The following CDH12 variants were observed in gnomAD, a reference collection of about 807,000 sequenced individuals.
CDH12 encodes the protein cadherin 12, also known as cadherin-12.
Under a neutral mutation model 74.1 loss-of-function variants are expected in CDH12, and 41 were observed. The ratio of observed to expected loss-of-function variants is 0.55; its 90% confidence interval spans 0.43 to 0.72. CDH12 has a LOEUF of 0.72. CDH12 is among the 30% of genes least tolerant of loss of function. The pLI is 0.00. For synonymous variants in CDH12, 399 were observed against 355.0 expected (o/e 1.12, Z -1.39); for missense variants, 945 against 977.2 (o/e 0.97, Z 0.44).
intron 4 of CDH12, among the ~76,000 whole-genome samples, chr5:22,182,577 T>C (rs1187989762): frequency 1.3e-5 from 2 of 152,182 alleles, no homozygotes; most frequent in Admixed American, 6.5e-5. Flanking sequence ...TTAGAAATTT[T>C]ACACAATAGG....
Position 22,023,521 on chromosome 5 carries a change from T to C in CDH12, c.232-48136A>G, listed in dbSNP as rs1323635786. 4.0e-5 allele frequency among the ~76,000 whole-genome samples: 6 copies of C among 151,808 alleles called. No homozygotes were observed. In the South Asian group the frequency reaches 6.2e-4, roughly 16 times the overall value. Reference sequence around the variant, plus strand: ...TATTATCTATATTTGTGTGTGTGTGTATATATATATAATTCTCTGTATTTG... The same window carrying C: ...TATTATCTATATTTGTGTGTGTGTGCATATATATATAATTCTCTGTATTTG... On this transcript the variant is annotated intron_variant, in intron 5 of 14. Transcript: ENST00000382254.
intron 4 of CDH12, among the ~76,000 whole-genome samples, chr5:22,147,421 A>G (rs1047330305): frequency 6.6e-6 from 1 of 152,124 alleles, no homozygotes; most frequent in Admixed American, 6.6e-5. Flanking sequence ...TTTTCTCTAT[A>G]AAGAACAATT....
intron 6 of CDH12, among the ~76,000 whole-genome samples, chr5:21,933,963 T>C (rs1056684527): frequency 6.6e-6 from 1 of 152,254 alleles, no homozygotes; most frequent in South Asian, 2.1e-4. Flanking sequence ...ATCTATGGAT[T>C]CTGGCCACAG....
At chr5:22,759,827 G>A (rs750964071) in intron 1 of CDH12, among the ~76,000 whole-genome samples, 5 of 152,138 alleles carry the variant, frequency 3.3e-5, no homozygotes, top group Admixed American at 6.5e-5. Flanking sequence ...TGGATAGTCC[G>A]AAATCTGCAG....
At chr5:21,966,216 T>C (rs1365765759) in intron 6 of CDH12, among the ~76,000 whole-genome samples, 1 of 151,724 alleles carries the variant, frequency 6.6e-6, no homozygotes, top group Non-Finnish European at 1.5e-5. Flanking sequence ...AAAACACTTT[T>C]TCCTCATAGG....
chr5:22,565,366 G>A (rs1030907555), intron 1 of CDH12, among the ~76,000 whole-genome samples: 1 of 152,130 alleles, frequency 6.6e-6, no homozygotes, highest in South Asian at 2.1e-4. Flanking sequence ...TCCACCAACA[G>A]GGTAATAAGG....
At chr5:22,428,278 T>C (rs192007352) in intron 2 of CDH12, among the ~76,000 whole-genome samples, 31 of 152,268 alleles carry the variant, frequency 2.0e-4, no homozygotes, top group Admixed American at 1.6e-3. Flanking sequence ...AGATATCATA[T>C]ATCCATTTTT....
At chr5:22,688,824 G>A (rs918346205) in intron 1 of CDH12, among the ~76,000 whole-genome samples, 3 of 152,078 alleles carry the variant, frequency 2.0e-5, no homozygotes, top group Non-Finnish European at 4.4e-5. Context: ...ATATATTTGA[G>A]GCTTTTGACA....
intron 1 of CDH12, among the ~76,000 whole-genome samples, chr5:22,671,203 A>G (rs1057211630): frequency 1.3e-5 from 2 of 152,268 alleles, no homozygotes; most frequent in Non-Finnish European, 2.9e-5. Flanking sequence ...CACCATAATC[A>G]ATGTAATAAA....
intron 3 of CDH12, among the ~76,000 whole-genome samples, chr5:22,364,291 G>A (rs769948793): frequency 4.6e-5 from 6 of 131,620 alleles, no homozygotes; most frequent in African/African-American, 1.5e-4. Context: ...TAATAGGAGC[G>A]ATGGGAAGAA....
chr5:22,289,697 C>G (rs1248351001), intron 3 of CDH12, among the ~76,000 whole-genome samples: 1 of 152,082 alleles, frequency 6.6e-6, no homozygotes, highest in Admixed American at 6.5e-5. Flanking sequence ...TCTTAGATTA[C>G]CTGCATCACT....
chr5:22,594,222 C>T (rs897318982), intron 1 of CDH12, among the ~76,000 whole-genome samples: 5 of 152,170 alleles, frequency 3.3e-5, no homozygotes, highest in African/African-American at 4.8e-5. Context: ...ACATACTCCC[C>T]GCTTCCTAGC....
At position 21,816,931 on chromosome 5, in the gene CDH12, A is replaced by G; in HGVS notation, c.1002+14T>C. The stretch of plus-strand genomic sequence containing the variant: ...TTATTTAGTAGTCAACTGTCCCAAC[A>G]TTTGTCTATATACCTTTTTCAATTT... On this transcript the variant is annotated intron_variant, in intron 9 of 14. Coordinates refer to ENST00000382254, the MANE Select transcript of CDH12 (RefSeq NM_004061.5). 6.5e-7 allele frequency: 1 copy of G among 1,528,310 alleles called. No individual in the cohort carries two copies. Among genetic ancestry groups the G allele is most frequent in the Non-Finnish European group, 8.9e-7 (1 of 1,124,132 alleles). The allele number at this position is 1,528,310 out of a possible 1,614,324, so 94.7% of individuals were successfully genotyped here.
At chr5:21,755,957 AT>A (rs549466496) in intron 13 of CDH12, 115 bp from the exon 14 acceptor site, 52 of 948,648 alleles carry the variant, frequency 5.5e-5, no homozygotes, top group South Asian at 7.1e-5. Context: ...ATGGATTCTT[AT>A]TTTTTTTATT....
intron 4 of CDH12, among the ~76,000 whole-genome samples, chr5:22,147,589 TAA>T (rs147619864): frequency 0.14 from 20,180 of 142,586 alleles, 1,764 homozygotes; most frequent in African/African-American, 0.26. Flanking sequence ...TAGTTTATCT[TAA>T]AAAAAAAAAA....
At chr5:22,428,827 A>G (rs1331392727) in intron 2 of CDH12, among the ~76,000 whole-genome samples, 2 of 152,110 alleles carry the variant, frequency 1.3e-5, no homozygotes, top group East Asian at 1.9e-4. Context: ...CTTCATAAAA[A>G]TCCTCTATGA....
intron 4 of CDH12, among the ~76,000 whole-genome samples, chr5:22,146,274 A>G (rs1192264986): frequency 2.0e-5 from 3 of 152,072 alleles, no homozygotes; most frequent in African/African-American, 7.2e-5. Flanking sequence ...GATGGTAAGC[A>G]CTCAAGTAAA....
intron 4 of CDH12, among the ~76,000 whole-genome samples, chr5:22,177,677 C>A (rs1215211796): frequency 6.6e-6 from 1 of 152,004 alleles, no homozygotes; most frequent in Non-Finnish European, 1.5e-5. Context: ...TCTAGAGCAA[C>A]CTCTCTCTGT....
intron 1 of CDH12, among the ~76,000 whole-genome samples, chr5:22,705,607 A>G (rs899858776): frequency 6.6e-6 from 1 of 151,958 alleles, no homozygotes; most frequent in African/African-American, 2.4e-5. Context: ...CCCTTACAAT[A>G]TTATAGTATT....
Sources: gnomAD v4.1 joint callset for allele counts (sites outside exome capture counted in the v4.1 genomes callset) on GRCh38, gnomAD v4.1.1 for gene constraint, MANE v1.5 for transcripts, NCBI Gene and HGNC (gene_info 2026-07-23, HGNC 2026-07-21) for gene names.